Variants in CSN3 observed in about 807,000 individuals in gnomAD.
CSN3 encodes the protein kappa-casein.
In CSN3, 7 loss-of-function variants were observed where a neutral mutation model predicts 9.9. That is an observed-to-expected ratio of 0.71 (90% confidence interval 0.40 to 1.33). The LOEUF is 1.33. Among genes scored for constraint, CSN3 ranks in the 40% most tolerant of loss-of-function variants. The pLI is 0.01. For synonymous variants in CSN3, 88 were observed against 82.3 expected (o/e 1.07, Z -0.37); for missense variants, 253 against 227.9 (o/e 1.11, Z -0.71).
At chr4:70,249,620 C>A in intron 4 of CSN3, 127 bp downstream of exon 4, 1 of 632,130 alleles carries the variant, frequency 1.6e-6, no homozygotes, top group Non-Finnish European at 2.7e-6. Context: ...AAACAGGGTA[C>A]TTACAGTTTT....
At chr4:70,240,958 G>C (rs1196290551), upstream of CSN3, among the ~76,000 whole-genome samples, 1 of 151,878 alleles carries the variant, frequency 6.6e-6, no homozygotes, top group Non-Finnish European at 1.5e-5. Context: ...CTTGGTGGGA[G>C]AAAAGATTAC....
chr4:70,244,841 G>A, exon 2 of CSN3: 1 of 1,563,916 alleles, frequency 6.4e-7, no homozygotes, highest in Non-Finnish European at 8.7e-7. Context: ...TCTTCTAGTT[G>A]TCAATGCCCT....
chr4:70,242,253 A>G (rs895970846), upstream of CSN3, among the ~76,000 whole-genome samples: 1 of 150,468 alleles, frequency 6.6e-6, no homozygotes, highest in Non-Finnish European at 1.5e-5. Context: ...ATGAGTGATG[A>G]CTCTACATCC....
chr4:70,248,882 C>G (rs1730428040), intron 3 of CSN3, 116 bp from the exon 4 acceptor site: 9 of 654,296 alleles, frequency 1.4e-5, no homozygotes, highest in Admixed American at 3.3e-5. Context: ...GGGTTCCATA[C>G]TTCTAATATC....
chr4:70,249,626 G>C, intron 4 of CSN3, 133 bp downstream of exon 4: 1 of 614,824 alleles, frequency 1.6e-6, no homozygotes, highest in Non-Finnish European at 2.8e-6. Flanking sequence ...GGTACTTACA[G>C]TTTTACCTTG....
chr4:70,244,382 T>C (rs574695388), intron 1 of CSN3, among the ~76,000 whole-genome samples: 8 of 152,184 alleles, frequency 5.3e-5, no homozygotes, highest in Admixed American at 5.2e-4. Flanking sequence ...CTCATCTATA[T>C]GTCATTTTTT....
rs11411323 is a variant in CSN3, at chr4:70,246,071, GA to G, written c.54+1209del. Among the ~76,000 whole-genome samples, 668 of 147,322 alleles carry G rather than the reference GA, an allele frequency of 4.5e-3. 6 individuals carry two copies. Among genetic ancestry groups the G allele is most frequent in the African/African-American group, 0.014 (578 of 40,134 alleles). ...CCTCAGGGACATGAACAAATATACAGAAAAAAAAAAATTTATTGATTTTACC... is the reference window on the plus strand; with the variant it reads ...CCTCAGGGACATGAACAAATATACAGAAAAAAAAAATTTATTGATTTTACC... On this transcript the variant is annotated intron_variant, in intron 2 of 4. Transcript: ENST00000304954.
upstream of CSN3, among the ~76,000 whole-genome samples, chr4:70,239,755 G>C (rs556541000): frequency 6.6e-6 from 1 of 151,900 alleles, no homozygotes; most frequent in Non-Finnish European, 1.5e-5. Flanking sequence ...CAGTTTGTAT[G>C]TGTATTGTTT....
chr4:70,244,801 T>C lies in CSN3; in HGVS notation c.-8-11T>C. On this transcript the variant is annotated splice_polypyrimidine_tract_variant and intron_variant, in intron 1 of 4. Coordinates refer to ENST00000304954, the Ensembl canonical transcript of CSN3. ...TCTTTTAAATTAATTTTTTTTTAAATTTATCTTTAGGTGCAATAATGAAGA... is the reference window on the plus strand; with the variant it reads ...TCTTTTAAATTAATTTTTTTTTAAACTTATCTTTAGGTGCAATAATGAAGA... 1 of 1,479,490 alleles carries C rather than the reference T, an allele frequency of 6.8e-7. No homozygotes were observed. Among genetic ancestry groups the C allele is most frequent in the Non-Finnish European group, 9.1e-7 (1 of 1,103,870 alleles). 91.6% of individuals were successfully genotyped at this position (1,479,490 alleles called of 1,614,324 possible). A position where few individuals can be genotyped will look rare whatever the true frequency, so the allele number is the denominator to read the frequency against.
chr4:70,244,814 G>A (rs1356799408), exon 2 of CSN3: 3 of 1,524,370 alleles, frequency 2.0e-6, no homozygotes, highest in South Asian at 1.4e-5. Context: ...ATCTTTAGGT[G>A]CAATAATGAA....
chr4:70,244,932 T>G, intron 2 of CSN3, 59 bp downstream of exon 2: 1 of 972,384 alleles, frequency 1.0e-6, no homozygotes, highest in South Asian at 2.2e-5. Context: ...GTTTAAGGGC[T>G]TTAACTATGC....
chr4:70,248,696 A>G (rs530423901), intron 3 of CSN3, among the ~76,000 whole-genome samples: 18 of 152,168 alleles, frequency 1.2e-4, no homozygotes, highest in Non-Finnish European at 2.4e-4. Flanking sequence ...AACATATAAG[A>G]TCACTTTCCA....
intron 4 of CSN3, 38 bp from the exon 5 acceptor site, chr4:70,251,224 C>A (rs1234443113): frequency 6.6e-6 from 1 of 152,138 alleles, no homozygotes; most frequent in Admixed American, 6.5e-5. Flanking sequence ...TGTTAACATA[C>A]TATGAATAAA....
chr4:70,249,675 C>T (rs955246816), intron 4 of CSN3, among the ~76,000 whole-genome samples, 182 bp downstream of exon 4: 1 of 152,164 alleles, frequency 6.6e-6, no homozygotes, highest in Non-Finnish European at 1.5e-5. Context: ...TCTGTTCCAA[C>T]TAGAAATTTA....
Position 70,250,606 on chromosome 4 carries a change from G to A in CSN3, c.*35-656G>A, listed in dbSNP as rs148771859. Among the ~76,000 whole-genome samples the A allele has an allele frequency of 1.5e-3, 231 of 152,140 alleles. 1 individual carries two copies. The highest frequency in any genetic ancestry group is 5.2e-3 in the African/African-American group (217 of 41,532). ...AAGTCTCCACTAAATGATAAAAACC[G>A]TACATAATTATGTCTGTTGATTCCC... On this transcript the variant is annotated intron_variant, in intron 4 of 4. Coordinates refer to ENST00000304954, the Ensembl canonical transcript of CSN3.
In CSN3 at chr4:70,244,805, T is replaced by A; in HGVS notation, c.-8-7T>A. 6.7e-7 allele frequency: 1 copy of A among 1,495,350 alleles called. No individual in the cohort carries two copies. Among genetic ancestry groups the A allele is most frequent in the South Asian group, 1.4e-5 (1 of 69,520 alleles). The allele number at this position is 1,495,350 out of a possible 1,614,324, so 92.6% of individuals were successfully genotyped here. A position where few individuals can be genotyped will look rare whatever the true frequency, so the allele number is the denominator to read the frequency against. On this transcript the variant is annotated splice_polypyrimidine_tract_variant and splice_region_variant and intron_variant, in intron 1 of 4. Coordinates refer to ENST00000304954, the Ensembl canonical transcript of CSN3. ...TTAAATTAATTTTTTTTTAAATTTA[T>A]CTTTAGGTGCAATAATGAAGAGTTT... is the stretch of plus-strand genomic sequence containing the variant.
upstream of CSN3, among the ~76,000 whole-genome samples, chr4:70,240,998 T>A (rs1730261065): frequency 6.6e-6 from 1 of 151,998 alleles, no homozygotes; most frequent in African/African-American, 2.4e-5. Flanking sequence ...TAAAATATAT[T>A]TTCCTGTGAA....
At chr4:70,244,683 T>C (rs62308375) in intron 1 of CSN3, 129 bp from the exon 2 acceptor site, 57,279 of 420,892 alleles carry the variant, frequency 0.14, 4,821 homozygotes, top group East Asian at 0.31. Context: ...AAATAAATTT[T>C]TCACATCGGC....
exon 4 of CSN3, chr4:70,249,117 A>G (rs1308204988): frequency 6.2e-7 from 1 of 1,614,098 alleles, no homozygotes. Flanking sequence ...GACCAGCTAT[A>G]GCAATTAATA....
Sources: allele counts gnomAD v4.1 joint callset (sites outside exome capture counted in the v4.1 genomes callset), GRCh38; gene constraint gnomAD v4.1.1; transcripts MANE v1.5; gene names NCBI Gene and HGNC (gene_info 2026-07-23, HGNC 2026-07-21).